ADAM22: variants seen among roughly 807,000 people sequenced by gnomAD.
ADAM22 encodes ADAM metallopeptidase domain 22, also known as disintegrin and metalloproteinase domain-containing protein 22.
ADAM22 carries 65 observed loss-of-function variants against 144.6 expected under a neutral mutation model. The ratio of observed to expected loss-of-function variants is 0.45; its 90% confidence interval spans 0.37 to 0.55. The LOEUF is 0.55. ADAM22 is among the 20% of genes least tolerant of loss of function. The pLI is 0.00. For missense variants in ADAM22, 974 were observed against 1,184.9 expected (o/e 0.82, Z 2.61); for synonymous variants, 391 against 412.6 (o/e 0.95, Z 0.63).
intron 22 of ADAM22, among the ~76,000 whole-genome samples, chr7:88,159,728 A>G (rs1305761404): frequency 1.3e-5 from 2 of 152,176 alleles, no homozygotes; most frequent in Non-Finnish European, 2.9e-5. Context: ...AAAAACTCTC[A>G]ATAAACTACG....
chr7:88,003,333 G>T (rs1374850333), intron 3 of ADAM22, among the ~76,000 whole-genome samples: 1 of 152,136 alleles, frequency 6.6e-6, no homozygotes, highest in Non-Finnish European at 1.5e-5. Flanking sequence ...GGAAACTCAG[G>T]CTTAGAGGAG....
intron 7 of ADAM22, among the ~76,000 whole-genome samples, chr7:88,120,817 G>T (rs953467540): frequency 4.6e-5 from 7 of 152,050 alleles, no homozygotes; most frequent in African/African-American, 1.7e-4. Flanking sequence ...CTTTCTCTAT[G>T]CTAAGTAATT....
At chr7:87,939,913 G>A (rs1237137305) in intron 2 of ADAM22, among the ~76,000 whole-genome samples, 1 of 152,128 alleles carries the variant, frequency 6.6e-6, no homozygotes, top group Non-Finnish European at 1.5e-5. Flanking sequence ...CAAGCCATTG[G>A]CTGGGCATGG....
intron 2 of ADAM22, among the ~76,000 whole-genome samples, chr7:87,953,705 TTC>T (rs1483662022): frequency 1.3e-5 from 2 of 151,922 alleles, no homozygotes; most frequent in Admixed American, 6.6e-5. Flanking sequence ...CTTGTTAAAT[TTC>T]TGTCTCGTTG....
chr7:88,113,703 A>AATGTGTATATATATATATATATATATAT (rs1554478727), intron 5 of ADAM22, among the ~76,000 whole-genome samples: 1 of 48,106 alleles, frequency 2.1e-5, no homozygotes, highest in African/African-American at 8.0e-5. Flanking sequence ...TAAATAAATA[A>AATGTGTATATATATATATATATATATAT]ATATATATAT....
At chr7:88,109,850 A>T (rs911400531) in intron 5 of ADAM22, among the ~76,000 whole-genome samples, 1 of 152,168 alleles carries the variant, frequency 6.6e-6, no homozygotes, top group Non-Finnish European at 1.5e-5. Context: ...AATAGGTTGG[A>T]ATAGCCTATC....
At chr7:87,982,595 C>T (rs184518724) in intron 3 of ADAM22, among the ~76,000 whole-genome samples, 1 of 126,086 alleles carries the variant, frequency 7.9e-6, no homozygotes, top group Admixed American at 8.3e-5. Flanking sequence ...TTGATTTTTC[C>T]CCACACTATT....
At chr7:87,943,084 GA>G (rs1420818751) in intron 2 of ADAM22, among the ~76,000 whole-genome samples, 1 of 149,482 alleles carries the variant, frequency 6.7e-6, no homozygotes, top group African/African-American at 2.4e-5. Flanking sequence ...GGAAATAGTT[GA>G]AAAAATAAGG....
Position 88,156,017 on chromosome 7 carries a change from A to G in ADAM22, c.1907+11A>G. The stretch of plus-strand genomic sequence containing the variant: ...AACATTAAACTGCAGGTAATTATCT[A>G]ACCATTCTGTAAGAATCTGAGTCAT... On this transcript the variant is annotated intron_variant, in intron 22 of 31. Transcript: ENST00000413139. The G allele has an allele frequency of 6.2e-7, 1 of 1,611,928 alleles. No individual in the cohort carries two copies. Among genetic ancestry groups the G allele is most frequent in the Non-Finnish European group, 8.5e-7 (1 of 1,179,044 alleles).
chr7:88,157,672 G>A (rs1000235414), intron 22 of ADAM22, among the ~76,000 whole-genome samples: 2 of 152,052 alleles, frequency 1.3e-5, no homozygotes, highest in Admixed American at 6.6e-5. Context: ...ACAGCGCTAC[G>A]AAACCGGCAC....
chr7:88,170,884 A>G (rs902739906), intron 25 of ADAM22, among the ~76,000 whole-genome samples: 1 of 151,940 alleles, frequency 6.6e-6, no homozygotes, highest in African/African-American at 2.4e-5. Flanking sequence ...AATAAGATCC[A>G]CTTAGTTGGA....
intron 30 of ADAM22, among the ~76,000 whole-genome samples, chr7:88,192,660 A>T (rs1185331591): frequency 2.0e-5 from 3 of 152,334 alleles, no homozygotes; most frequent in East Asian, 1.9e-4. Context: ...GTGATTTAGC[A>T]ACTAATAAAT....
At chr7:87,944,783 A>T (rs1303361289) in intron 2 of ADAM22, among the ~76,000 whole-genome samples, 1 of 143,944 alleles carries the variant, frequency 6.9e-6, no homozygotes, top group Non-Finnish European at 1.5e-5. Context: ...TCCACCCTTG[A>T]TCTGTGTCTT....
intron 17 of ADAM22, among the ~76,000 whole-genome samples, chr7:88,147,635 C>G (rs988332008): frequency 6.6e-6 from 1 of 152,196 alleles, no homozygotes; most frequent in Non-Finnish European, 1.5e-5. Context: ...TACTTTTCTT[C>G]TCCCATTATA....
At chr7:87,958,002 T>G (rs750089779) in intron 2 of ADAM22, among the ~76,000 whole-genome samples, 3 of 152,228 alleles carry the variant, frequency 2.0e-5, no homozygotes, top group Non-Finnish European at 2.9e-5. Flanking sequence ...AAATTAAATT[T>G]TTTGATCTCT....
At chr7:88,005,577 C>G (rs577816250) in intron 3 of ADAM22, among the ~76,000 whole-genome samples, 1 of 152,092 alleles carries the variant, frequency 6.6e-6, no homozygotes, top group Admixed American at 6.6e-5. Flanking sequence ...GATGTGAGCT[C>G]ACAGAGACCA....
At chr7:87,998,572 G>A (rs1791795513) in intron 3 of ADAM22, among the ~76,000 whole-genome samples, 1 of 152,038 alleles carries the variant, frequency 6.6e-6, no homozygotes, top group Admixed American at 6.6e-5. Context: ...TGTGTTTTTA[G>A]TAGAGGCCGG....
intron 3 of ADAM22, among the ~76,000 whole-genome samples, chr7:88,017,993 G>T (rs1034702829): frequency 6.6e-6 from 1 of 152,094 alleles, no homozygotes; most frequent in Non-Finnish European, 1.5e-5. Context: ...AAGACTCTGT[G>T]ATGGTCCCAT....
intron 4 of ADAM22, among the ~76,000 whole-genome samples, chr7:88,077,148 G>A (rs1776541488): frequency 6.6e-6 from 1 of 152,018 alleles, no homozygotes; most frequent in African/African-American, 2.4e-5. Context: ...TTCCCATAAA[G>A]CCTTTGTTCA....
Sources: gnomAD v4.1 joint callset for allele counts (sites outside exome capture counted in the v4.1 genomes callset) on GRCh38, gnomAD v4.1.1 for gene constraint, MANE v1.5 for transcripts, NCBI Gene and HGNC (gene_info 2026-07-23, HGNC 2026-07-21) for gene names.